The following MBP variants were observed in gnomAD, a reference collection of about 807,000 sequenced individuals.
MBP encodes the protein myelin basic protein.
A neutral mutation model predicts 35.8 loss-of-function variants in MBP; 16 were observed. The observed-to-expected ratio is 0.45, with a 90% CI of 0.30 to 0.68. The LOEUF (loss-of-function observed/expected upper bound fraction) is 0.68. Ranked by LOEUF, MBP falls within the 30% of genes least tolerant of loss-of-function variation. MBP has a pLI of 0.08. For synonymous variants in MBP, 143 were observed against 159.6 expected, an observed-to-expected ratio of 0.90 and a Z score of 0.78; for missense variants, 380 against 404.7, an observed-to-expected ratio of 0.94 and a Z score of 0.52.
intron 4 of MBP, among the ~76,000 whole-genome samples, chr18:76,997,289 G>A (rs1363298487): frequency 2.0e-5 from 3 of 152,238 alleles, no homozygotes; most frequent in Non-Finnish European, 4.4e-5. Context: ...TTCCATGGCA[G>A]CCTTGTGAAA....
intron 1 of MBP, among the ~76,000 whole-genome samples, chr18:77,121,316 A>T (rs976395583): frequency 0.016 from 2,308 of 143,272 alleles, 60 homozygotes; most frequent in African/African-American, 0.055. Context: ...TCTCAAAAAA[A>T]AAAAAATAAA....
intron 4 of MBP, among the ~76,000 whole-genome samples, chr18:76,997,531 C>T (rs567133230): frequency 8.5e-5 from 13 of 152,332 alleles, no homozygotes; most frequent in African/African-American, 2.4e-4. Flanking sequence ...TGGTTGTTTC[C>T]GGAGACTCCA....
intron 3 of MBP, among the ~76,000 whole-genome samples, chr18:77,028,610 G>C (rs759487958): frequency 1.4e-5 from 1 of 70,070 alleles, no homozygotes; most frequent in Non-Finnish European, 3.6e-5. Context: ...GCGGCTGGCC[G>C]GGCGGGGGGC....
At chr18:77,077,159 A>C (rs571180476) in intron 2 of MBP, among the ~76,000 whole-genome samples, 2 of 152,010 alleles carry the variant, frequency 1.3e-5, no homozygotes, top group South Asian at 4.2e-4. Flanking sequence ...TCAGGAGTTC[A>C]AGACCAGCCT....
chr18:77,064,036 T>C (rs1317337496), intron 3 of MBP, among the ~76,000 whole-genome samples: 2 of 152,216 alleles, frequency 1.3e-5, no homozygotes, highest in Non-Finnish European at 2.9e-5. Flanking sequence ...ACAGTAGGCT[T>C]AGCCAAAATC....
intron 4 of MBP, among the ~76,000 whole-genome samples, chr18:76,990,463 A>G (rs541515077): frequency 1.3e-5 from 2 of 152,272 alleles, no homozygotes; most frequent in African/African-American, 2.4e-5. Flanking sequence ...AGATGATCCT[A>G]TATCACTCAG....
At chr18:77,027,683 GA>G (rs1292133166) in intron 3 of MBP, among the ~76,000 whole-genome samples, 1 of 152,114 alleles carries the variant, frequency 6.6e-6, no homozygotes, top group African/African-American at 2.4e-5. Context: ...TATTTTGACA[GA>G]AAAAAATTAT....
chr18:77,114,434 G>C (rs1192671989), intron 1 of MBP: 1 of 150,840 alleles, frequency 6.6e-6, no homozygotes, highest in African/African-American at 2.5e-5. Flanking sequence ...TGTTGAAGCG[G>C]GGAAAAAAAG....
At chr18:77,083,068 G>A (rs1213276944) in intron 2 of MBP, among the ~76,000 whole-genome samples, 1 of 151,996 alleles carries the variant, frequency 6.6e-6, no homozygotes, top group Admixed American at 6.5e-5. Flanking sequence ...CCACCTCCTG[G>A]ATTTGAACGA....
chr18:77,098,963 CT>C (rs1287092355), intron 2 of MBP, among the ~76,000 whole-genome samples: 1 of 151,712 alleles, frequency 6.6e-6, no homozygotes, highest in African/African-American at 2.4e-5. Flanking sequence ...CTCCTTCCCC[CT>C]CCCTCTTCTC....
chr18:77,079,876 T>A (rs1004055478), intron 2 of MBP, among the ~76,000 whole-genome samples: 2 of 152,154 alleles, frequency 1.3e-5, no homozygotes, highest in African/African-American at 4.8e-5. Context: ...AATCTCAGAA[T>A]AGGGGAGGAG....
At chr18:77,118,977 G>A (rs774640514) in intron 1 of MBP, among the ~76,000 whole-genome samples, 8 of 152,152 alleles carry the variant, frequency 5.3e-5, no homozygotes, top group African/African-American at 1.2e-4. Context: ...GTCCCAGGGC[G>A]CTGGAAGGAC....
rs931551107 is a variant in MBP, at chr18:76,980,678, A to T, written c.871-207T>A. 8.7e-6 allele frequency: 5 copies of T among 574,314 alleles called. No homozygotes were observed. In the Admixed American group the frequency reaches 1.2e-4, roughly 14 times the overall value. 35.6% of individuals were successfully genotyped at this position (574,314 alleles called of 1,614,324 possible). A position where few individuals can be genotyped will look rare whatever the true frequency, so the allele number is the denominator to read the frequency against. On this transcript the variant is annotated intron_variant, in intron 8 of 8. Coordinates refer to ENST00000355994, the MANE Select transcript of MBP (RefSeq NM_001025101.2). ...TGCTAATTGAATTTCCAGTTCTGTG[A>T]GAGAGAACTGGAATCGGATTCCCAG...
chr18:77,015,569 A>G, intron 4 of MBP: 1 of 985,482 alleles, frequency 1.0e-6, no homozygotes. Context: ...TAAGACACAC[A>G]AAATGTCATT....
chr18:76,980,709 A>G, intron 8 of MBP: 1 of 545,468 alleles, frequency 1.8e-6, no homozygotes, highest in Non-Finnish European at 3.3e-6. Context: ...CCCAGGCCCC[A>G]GGGAGTGGTG....
At chr18:77,126,501 C>T (rs1977055840) in intron 1 of MBP, among the ~76,000 whole-genome samples, 3 of 152,118 alleles carry the variant, frequency 2.0e-5, no homozygotes, top group Admixed American at 2.0e-4. Flanking sequence ...GTTCTTGCAA[C>T]TCTTATTGAA....
chr18:77,036,077 T>A (rs1329206979), intron 3 of MBP, among the ~76,000 whole-genome samples: 1 of 151,878 alleles, frequency 6.6e-6, no homozygotes, highest in Non-Finnish European at 1.5e-5. Flanking sequence ...GCTGAGCAAG[T>A]GCTGGTCACG....
At chr18:77,115,600 T>C (rs1318212537) in intron 1 of MBP, 1 of 152,232 alleles carries the variant, frequency 6.6e-6, no homozygotes, top group East Asian at 1.9e-4. Context: ...AAAACCTGGA[T>C]CAGAGCCCAT....
Position 77,096,391 on chromosome 18 carries a change from G to A in MBP, c.51+8820C>T, listed in dbSNP as rs575826489. On this transcript the variant is annotated intron_variant, in intron 2 of 8. Transcript: ENST00000355994. ...ATGGAGCAGATTCTGCAGGGGGTGT[G>A]ATTGCCCCTGGAGAGGTGCAGAGCG... is the stretch of plus-strand genomic sequence containing the variant. 3.7e-3 allele frequency among the ~76,000 whole-genome samples: 563 copies of A among 152,288 alleles called. 3 individuals carry two copies. The highest frequency in any genetic ancestry group is 0.012 in the African/African-American group (478 of 41,544).
Sources: allele counts gnomAD v4.1 joint callset (sites outside exome capture counted in the v4.1 genomes callset), GRCh38; gene constraint gnomAD v4.1.1; transcripts MANE v1.5; gene names NCBI Gene and HGNC (gene_info 2026-07-23, HGNC 2026-07-21).